The following LRRC7 variants were observed in gnomAD, a reference collection of about 807,000 sequenced individuals.
LRRC7 encodes leucine rich repeat containing 7.
In LRRC7, 23 loss-of-function variants were observed where a neutral mutation model predicts 175.7. The ratio of observed to expected loss-of-function variants is 0.13; its 90% CI spans 0.09 to 0.19. LRRC7 has a LOEUF of 0.19. Among genes scored for constraint, LRRC7 ranks in the 10% least tolerant of loss-of-function variants. The pLI is 1.00. For missense variants in LRRC7, 1,354 were observed against 1,904.7 expected (o/e 0.71, Z 5.38); for synonymous variants, 685 against 680.9 (o/e 1.01, Z -0.09).
chr1:70,079,854 A>C (rs1253025049), intron 24 of LRRC7, among the ~76,000 whole-genome samples: 2 of 152,220 alleles, frequency 1.3e-5, no homozygotes, highest in African/African-American at 4.8e-5. Context: ...ATCAGGCCCA[A>C]CTAATTATAT....
At chr1:69,845,257 A>G (rs778585378) in intron 7 of LRRC7, among the ~76,000 whole-genome samples, 1 of 152,140 alleles carries the variant, frequency 6.6e-6, no homozygotes, top group Non-Finnish European at 1.5e-5. Context: ...TCTCAAATAA[A>G]TAAATAAAAG....
chr1:69,938,630 C>G (rs1343474336), intron 8 of LRRC7, among the ~76,000 whole-genome samples: 1 of 151,896 alleles, frequency 6.6e-6, no homozygotes. Flanking sequence ...TTCATTATAA[C>G]TAAAATTGAC....
intron 24 of LRRC7, among the ~76,000 whole-genome samples, chr1:70,079,977 G>A (rs980745715): frequency 2.0e-5 from 3 of 152,166 alleles, no homozygotes; most frequent in Non-Finnish European, 2.9e-5. Context: ...AAGTGTAATT[G>A]GCCAAGCTGG....
At chr1:69,658,498 T>C (rs950428200) in intron 1 of LRRC7, among the ~76,000 whole-genome samples, 1 of 151,738 alleles carries the variant, frequency 6.6e-6, no homozygotes, top group African/African-American at 2.4e-5. Flanking sequence ...TCCTAGAAGG[T>C]AGGTAAGAAT....
chr1:69,973,061 A>G (rs191765940), intron 8 of LRRC7, among the ~76,000 whole-genome samples: 60 of 146,610 alleles, frequency 4.1e-4, no homozygotes, highest in Admixed American at 2.2e-3. Context: ...TACTATATAT[A>G]TAAAGTACCA....
chr1:69,739,743 G>C (rs1668499965), intron 2 of LRRC7, among the ~76,000 whole-genome samples: 1 of 152,054 alleles, frequency 6.6e-6, no homozygotes. Flanking sequence ...TGAGTAGCTA[G>C]TTACTGAAGA....
intron 5 of LRRC7, among the ~76,000 whole-genome samples, chr1:69,834,118 C>T (rs947312002): frequency 5.3e-5 from 8 of 151,778 alleles, no homozygotes; most frequent in Non-Finnish European, 1.0e-4. Context: ...CTAAAACTCC[C>T]CAAAGGTTAT....
intron 1 of LRRC7, among the ~76,000 whole-genome samples, chr1:69,648,844 A>G (rs1426115628): frequency 6.6e-6 from 1 of 152,242 alleles, no homozygotes; most frequent in Non-Finnish European, 1.5e-5. Flanking sequence ...ACTGTGAGAC[A>G]CTAGGTAAAA....
At chr1:69,585,001 G>T (rs1459527958) in intron 1 of LRRC7, among the ~76,000 whole-genome samples, 2 of 151,940 alleles carry the variant, frequency 1.3e-5, no homozygotes, top group African/African-American at 4.8e-5. Context: ...TTCTCTTTTG[G>T]CACTGTACAT....
intron 7 of LRRC7, among the ~76,000 whole-genome samples, chr1:69,909,809 T>C (rs1220148697): frequency 2.6e-5 from 4 of 152,278 alleles, no homozygotes; most frequent in Non-Finnish European, 4.4e-5. Context: ...TGAATCTGAA[T>C]GTTGGCCTGC....
At chr1:69,730,400 A>G (rs1055264517) in intron 2 of LRRC7, among the ~76,000 whole-genome samples, 24 of 152,106 alleles carry the variant, frequency 1.6e-4, no homozygotes, top group Admixed American at 1.3e-4. Context: ...AATTTCTTCC[A>G]TCAGATACCC....
intron 7 of LRRC7, among the ~76,000 whole-genome samples, chr1:69,850,366 G>C (rs1465317709): frequency 6.6e-6 from 1 of 152,002 alleles, no homozygotes; most frequent in Non-Finnish European, 1.5e-5. Flanking sequence ...AGCCATGTTG[G>C]GAAATTAGGA....
At chr1:69,858,383 A>G (rs1486901150) in intron 7 of LRRC7, among the ~76,000 whole-genome samples, 3 of 152,338 alleles carry the variant, frequency 2.0e-5, no homozygotes, top group African/African-American at 7.2e-5. Flanking sequence ...ACTAATATCC[A>G]GAATCTACGA....
intron 7 of LRRC7, among the ~76,000 whole-genome samples, chr1:69,845,792 A>C (rs1682290954): frequency 6.6e-6 from 1 of 152,038 alleles, no homozygotes; most frequent in Non-Finnish European, 1.5e-5. Flanking sequence ...TGGCTTTTTG[A>C]TGTTTCTATT....
chr1:69,767,896 A>G (rs1443289691), intron 3 of LRRC7, among the ~76,000 whole-genome samples: 1 of 152,164 alleles, frequency 6.6e-6, no homozygotes, highest in Non-Finnish European at 1.5e-5. Context: ...GGTGCCAGAA[A>G]AAAACAGCCT....
At chr1:69,801,561 G>A (rs913677562) in intron 4 of LRRC7, among the ~76,000 whole-genome samples, 10 of 151,514 alleles carry the variant, frequency 6.6e-5, no homozygotes, top group Non-Finnish European at 1.3e-4. Flanking sequence ...CAGTTATCAT[G>A]TCTCCTTTTT....
At chr1:69,611,766 A>AT (rs1256054037) in intron 1 of LRRC7, among the ~76,000 whole-genome samples, 2 of 152,056 alleles carry the variant, frequency 1.3e-5, no homozygotes, top group African/African-American at 4.8e-5. Context: ...GGAATCTCCA[A>AT]TAAAAAAAGC....
chr1:69,806,084 A>G lies in LRRC7; in HGVS notation c.421+13924A>G, dbSNP rs1172513662. 4.6e-5 allele frequency among the ~76,000 whole-genome samples: 7 copies of G among 152,058 alleles called. No individual in the cohort carries two copies. In the East Asian group the frequency reaches 9.7e-4, roughly 21 times the overall value. ...AGTCCTTCCTCTACAATGCCATGCT[A>G]CCTTGCAGCTTCAGTGTAAACTCCT... On this transcript the variant is annotated intron_variant, in intron 4 of 26. Transcript: ENST00000651989.
chr1:69,949,967 A>C (rs1248883831), intron 8 of LRRC7, among the ~76,000 whole-genome samples: 4 of 139,672 alleles, frequency 2.9e-5, no homozygotes, highest in Non-Finnish European at 6.3e-5. Flanking sequence ...AATTCTATGC[A>C]TTTATGGCCT....
Sources: allele counts gnomAD v4.1 joint callset (sites outside exome capture counted in the v4.1 genomes callset), GRCh38; gene constraint gnomAD v4.1.1; transcripts MANE v1.5; gene names NCBI Gene and HGNC (gene_info 2026-07-23, HGNC 2026-07-21).